The following DLGAP2 variants were observed in gnomAD, a reference collection of about 807,000 sequenced individuals.
The protein encoded by DLGAP2 is DLG associated protein 2, also known as disks large-associated protein 2.
DLGAP2 carries 26 observed loss-of-function variants against 100.3 expected under a neutral mutation model. The ratio of observed to expected loss-of-function variants is 0.26; its 90% CI spans 0.19 to 0.36. The LOEUF is 0.36. DLGAP2 is among the 10% of genes least tolerant of loss of function. The pLI is 1.00. For synonymous variants in DLGAP2, 886 were observed against 630.1 expected (o/e 1.41, Z -6.08); for missense variants, 1,858 against 1,453.2 (o/e 1.28, Z -4.53).
At chr8:754,221 G>A (rs765728913) in intron 1 of DLGAP2, 2 of 152,202 alleles carry the variant, frequency 1.3e-5, no homozygotes, top group Non-Finnish European at 2.9e-5. Context: ...AGACCCTGAC[G>A]GATTTCGTCC....
chr8:935,671 G>A (rs921536639), intron 2 of DLGAP2, among the ~76,000 whole-genome samples: 23 of 152,054 alleles, frequency 1.5e-4, no homozygotes, highest in African/African-American at 2.7e-4. Context: ...TCTGTCATCC[G>A]TCGTGTCTAA....
chr8:1,330,359 T>G (rs1801123526), intron 3 of DLGAP2, among the ~76,000 whole-genome samples: 1 of 125,566 alleles, frequency 8.0e-6, no homozygotes, highest in Non-Finnish European at 1.6e-5. Flanking sequence ...GAGTTCTGGG[T>G]GGGACTGAGT....
At chr8:778,958 T>C (rs1047579040) in intron 1 of DLGAP2, among the ~76,000 whole-genome samples, 2 of 152,222 alleles carry the variant, frequency 1.3e-5, no homozygotes, top group Non-Finnish European at 2.9e-5. Context: ...CACCTTGCAG[T>C]TTGATCTCAG....
intron 3 of DLGAP2, among the ~76,000 whole-genome samples, chr8:1,277,644 T>C (rs899867306): frequency 6.6e-6 from 1 of 152,132 alleles, no homozygotes; most frequent in African/African-American, 2.4e-5. Context: ...CAGGTCAGTA[T>C]CTGAGTATCC....
At position 1,276,618 on chromosome 8, in the gene DLGAP2, G is replaced by A. The variant is rs118129520; in HGVS notation, c.106+17735G>A. On this transcript the variant is annotated intron_variant, in intron 3 of 14. Transcript: ENST00000637795. ...TGACCAGGAAGCCCAAAGGTGGTGC[G>A]TCTTGTGTCGGTGCTTTGACTTCCC... Among the ~76,000 whole-genome samples, 1,350 of 151,038 alleles carry A rather than the reference G, an allele frequency of 8.9e-3. 13 individuals are homozygous for A. Among genetic ancestry groups the A allele is most frequent in the East Asian group, 0.057 (294 of 5,154 alleles).
chr8:1,668,239 C>A, intron 8 of DLGAP2, 90 bp from the exon 9 acceptor site: 1 of 1,259,742 alleles, frequency 7.9e-7, no homozygotes, highest in Non-Finnish European at 1.1e-6. Context: ...CTTGCTCCGT[C>A]AACCACAGGG....
At chr8:1,491,407 C>CAGG (rs1799384703) in intron 3 of DLGAP2, among the ~76,000 whole-genome samples, 1 of 152,252 alleles carries the variant, frequency 6.6e-6, no homozygotes, top group Non-Finnish European at 1.5e-5. Flanking sequence ...TCGGAGGCTT[C>CAGG]CGGCTGCTCC....
intron 2 of DLGAP2, among the ~76,000 whole-genome samples, chr8:1,080,136 G>T (rs1327040234): frequency 6.6e-6 from 1 of 152,214 alleles, no homozygotes; most frequent in East Asian, 1.9e-4. Flanking sequence ...TTCGCTGGGG[G>T]GTTGCAGTGG....
intron 6 of DLGAP2, among the ~76,000 whole-genome samples, chr8:1,596,538 T>C (rs921415730): frequency 6.6e-6 from 1 of 152,204 alleles, no homozygotes; most frequent in Non-Finnish European, 1.5e-5. Flanking sequence ...ACATCTGTTG[T>C]TTCCTGGCTT....
At chr8:1,407,877 T>A (rs2129862247) in intron 3 of DLGAP2, among the ~76,000 whole-genome samples, 1 of 151,680 alleles carries the variant, frequency 6.6e-6, no homozygotes, top group South Asian at 2.1e-4. Context: ...GAGCACCACC[T>A]CCTTGTCCTC....
chr8:1,310,240 A>C (rs766542210), intron 3 of DLGAP2, among the ~76,000 whole-genome samples: 1 of 152,160 alleles, frequency 6.6e-6, no homozygotes, highest in Non-Finnish European at 1.5e-5. Context: ...AAAAATCCAC[A>C]AAAAAGACAA....
chr8:903,577 G>T (rs1470895407), intron 1 of DLGAP2, among the ~76,000 whole-genome samples: 2 of 152,084 alleles, frequency 1.3e-5, no homozygotes, highest in Non-Finnish European at 2.9e-5. Flanking sequence ...TGTTTCTACT[G>T]CTGGACCCCT....
At chr8:1,632,759 T>C in intron 7 of DLGAP2, 68 bp from the exon 8 acceptor site, 4 of 1,490,910 alleles carry the variant, frequency 2.7e-6, no homozygotes, top group East Asian at 2.4e-5. Context: ...CGCGCTCTCC[T>C]GGCTTTTCTG....
intron 2 of DLGAP2, among the ~76,000 whole-genome samples, chr8:1,065,370 A>T (rs1013687261): frequency 6.6e-5 from 10 of 152,384 alleles, no homozygotes; most frequent in Non-Finnish European, 1.2e-4. Flanking sequence ...CATTTAGAGA[A>T]CAGTTATTGT....
At chr8:1,583,034 C>T (rs1047648397) in intron 6 of DLGAP2, among the ~76,000 whole-genome samples, 3 of 152,148 alleles carry the variant, frequency 2.0e-5, no homozygotes, top group African/African-American at 7.2e-5. Context: ...AGCATCTGAA[C>T]CAGAGCTGCA....
intron 8 of DLGAP2, among the ~76,000 whole-genome samples, chr8:1,639,691 G>A (rs78221945): frequency 6.6e-6 from 1 of 152,254 alleles, no homozygotes; most frequent in Non-Finnish European, 1.5e-5. Flanking sequence ...GAAGTCTAAA[G>A]TAGGTTCTGT....
At chr8:826,771 A>G (rs540219300) in intron 1 of DLGAP2, among the ~76,000 whole-genome samples, 163 of 152,150 alleles carry the variant, frequency 1.1e-3, no homozygotes, top group South Asian at 2.9e-3. Flanking sequence ...TTGGTGGCCT[A>G]CGTGTTCCTG....
At chr8:1,533,281 G>A (rs1219414650) in intron 4 of DLGAP2, among the ~76,000 whole-genome samples, 1 of 152,046 alleles carries the variant, frequency 6.6e-6, no homozygotes, top group Non-Finnish European at 1.5e-5. Context: ...GGCAGATCAT[G>A]AGGTCAGGAG....
intron 2 of DLGAP2, among the ~76,000 whole-genome samples, chr8:1,124,102 T>G (rs1264045797): frequency 6.6e-6 from 1 of 152,206 alleles, no homozygotes; most frequent in Non-Finnish European, 1.5e-5. Flanking sequence ...ATGCATATCG[T>G]TTCCCCAGAG....
Sources: allele counts gnomAD v4.1 joint callset (sites outside exome capture counted in the v4.1 genomes callset), GRCh38; gene constraint gnomAD v4.1.1; transcripts MANE v1.5; gene names NCBI Gene and HGNC (gene_info 2026-07-23, HGNC 2026-07-21).